The following CCDC149 variants were observed in gnomAD, a reference collection of about 807,000 sequenced individuals.
CCDC149 encodes the protein coiled-coil domain containing 149, also known as coiled-coil domain-containing protein 149.
CCDC149 carries 45 observed loss-of-function variants against 59.9 expected under a neutral mutation model. The ratio of observed to expected loss-of-function variants is 0.75; its 90% CI spans 0.59 to 0.96. CCDC149 has a LOEUF of 0.96. Ranked by LOEUF, CCDC149 falls within the 40% of genes least tolerant of loss-of-function variation. CCDC149 has a pLI of 0.00. For synonymous variants in CCDC149, 245 were observed against 260.6 expected (o/e 0.94, Z 0.58); for missense variants, 584 against 664.7 (o/e 0.88, Z 1.33).
At chr4:24,952,611 AAAAAAAAAAAAAAAAATATAT>A (rs1723330624) in intron 1 of CCDC149, among the ~76,000 whole-genome samples, 1 of 36,440 alleles carries the variant, frequency 2.7e-5, no homozygotes, top group African/African-American at 1.1e-4. Flanking sequence ...AAAAAAAAAA[AAAAAAAAAAAAAAAAATATAT>A]ATATATATAT....
In CCDC149 at chr4:24,836,430, T is replaced by A; in HGVS notation, c.735+6A>T. On this transcript the variant is annotated splice_donor_region_variant and intron_variant, in intron 7 of 12. Coordinates refer to ENST00000635206, the MANE Select transcript of CCDC149 (RefSeq NM_001330643.2). The stretch of plus-strand genomic sequence containing the variant: ...ATCACCATCACTGTCATCATGATTT[T>A]GCTACCTTGTATTTGGCAATGTTTG... The A allele has an allele frequency of 6.3e-7, 1 of 1,589,274 alleles. No homozygotes were observed. Among genetic ancestry groups the A allele is most frequent in the Non-Finnish European group, 8.6e-7 (1 of 1,157,382 alleles).
At chr4:24,945,886 G>T (rs1166871005) in intron 1 of CCDC149, among the ~76,000 whole-genome samples, 1 of 152,042 alleles carries the variant, frequency 6.6e-6, no homozygotes, top group African/African-American at 2.4e-5. Flanking sequence ...CCTCCAAAAT[G>T]CCAGGATTAC....
At chr4:24,938,267 A>T (rs1422367648) in intron 1 of CCDC149, among the ~76,000 whole-genome samples, 1 of 152,222 alleles carries the variant, frequency 6.6e-6, no homozygotes, top group Non-Finnish European at 1.5e-5. Flanking sequence ...AAAGAGGAAT[A>T]TTATTTTTTT....
chr4:24,853,112 T>C lies in CCDC149; in HGVS notation c.332A>G (p.Glu111Gly). 1 of 1,614,004 alleles carries C rather than the reference T, an allele frequency of 6.2e-7. No individual in the cohort carries two copies. The highest frequency in any genetic ancestry group is 8.5e-7 in the Non-Finnish European group (1 of 1,179,832). The change falls in exon 4 of 13, where the codon GAA becomes GGA. Residue 111 changes from glutamate to glycine, a missense_variant. Physicochemically the swap from Glu to Gly is moderately conservative, Grantham distance 98 (BLOSUM62 -2). Transcript: ENST00000635206. ...GACTTCTCCAAGCCTTTGCTGAAGT[T>C]CTTTAATTTCTTCTCCCAGATGTTT... is the stretch of plus-strand genomic sequence containing the variant.
chr4:24,969,316 T>A (rs181474594), intron 1 of CCDC149, among the ~76,000 whole-genome samples: 6 of 152,352 alleles, frequency 3.9e-5, no homozygotes, highest in Admixed American at 3.3e-4. Flanking sequence ...GTTGTTCATC[T>A]ACCCTTGCAG....
intron 1 of CCDC149, among the ~76,000 whole-genome samples, chr4:24,903,972 G>C (rs903258079): frequency 6.6e-6 from 1 of 151,862 alleles, no homozygotes; most frequent in Non-Finnish European, 1.5e-5. Context: ...AGCTGATTTT[G>C]TATTTTTAGT....
At position 24,853,355 on chromosome 4, in the gene CCDC149, G is replaced by A. The variant is rs1016376300; in HGVS notation, c.265-176C>T. 3.1e-5 allele frequency: 18 copies of A among 588,062 alleles called. No individual in the cohort carries two copies. The Admixed American group carries it at 3.7e-4, about 12-fold the overall frequency. 36.4% of individuals were successfully genotyped at this position (588,062 alleles called of 1,614,324 possible). A position where few individuals can be genotyped will look rare whatever the true frequency, so the allele number is the denominator to read the frequency against. ...GTGAATCACACCACTACAATGGCAC[G>A]CAGGAAAATGAAGTTGGCCATGAAC... On this transcript the variant is annotated intron_variant, in intron 3 of 12. Coordinates refer to ENST00000635206, the MANE Select transcript of CCDC149 (RefSeq NM_001330643.2).
chr4:24,850,295 T>C (rs1328505692), intron 4 of CCDC149, among the ~76,000 whole-genome samples: 1 of 152,106 alleles, frequency 6.6e-6, no homozygotes, highest in Non-Finnish European at 1.5e-5. Context: ...AGGATACAGA[T>C]GGAAATTCGG....
At chr4:24,836,369 A>G (rs1716518989) in intron 7 of CCDC149, 67 bp downstream of exon 7, 1 of 1,094,344 alleles carries the variant, frequency 9.1e-7, no homozygotes, top group African/African-American at 1.5e-5. Flanking sequence ...ATAGAAGGGA[A>G]TTAAAATAGA....
intron 9 of CCDC149, chr4:24,827,036 A>G (rs1263820232): frequency 6.6e-6 from 1 of 152,212 alleles, no homozygotes; most frequent in African/African-American, 2.4e-5. Context: ...GCATGTATCT[A>G]CCTAGTAGTC....
chr4:24,931,634 C>A (rs1284828516), intron 1 of CCDC149, among the ~76,000 whole-genome samples: 1 of 151,318 alleles, frequency 6.6e-6, no homozygotes, highest in African/African-American at 2.4e-5. Flanking sequence ...AGTCACATGA[C>A]CCTAATTGCA....
intron 4 of CCDC149, among the ~76,000 whole-genome samples, chr4:24,852,326 A>ACT (rs1331721985): frequency 1.4e-5 from 2 of 147,476 alleles, no homozygotes; most frequent in Admixed American, 1.3e-4. Flanking sequence ...ACACACACAC[A>ACT]CACACTATAG....
intron 4 of CCDC149, among the ~76,000 whole-genome samples, chr4:24,843,553 G>A (rs1314771508): frequency 1.3e-5 from 2 of 152,140 alleles, no homozygotes; most frequent in Non-Finnish European, 2.9e-5. Context: ...GTGTACACCA[G>A]AGTCCAAATT....
chr4:24,923,156 T>C (rs375291160), intron 1 of CCDC149, among the ~76,000 whole-genome samples: 2 of 152,180 alleles, frequency 1.3e-5, no homozygotes, highest in African/African-American at 4.8e-5. Flanking sequence ...AGCTGATTTG[T>C]GAGCATAATA....
intron 12 of CCDC149, 43 bp from the exon 13 acceptor site, chr4:24,808,862 T>C (rs1714404209): frequency 6.7e-7 from 1 of 1,490,746 alleles, no homozygotes; most frequent in East Asian, 2.5e-5. Flanking sequence ...TGGCAGCAAA[T>C]CAGCCCTCAC....
At chr4:24,940,419 T>C (rs1350074642) in intron 1 of CCDC149, among the ~76,000 whole-genome samples, 3 of 152,042 alleles carry the variant, frequency 2.0e-5, no homozygotes, top group South Asian at 4.2e-4. Context: ...AAGGAACAAC[T>C]GGTACCAGCC....
intron 1 of CCDC149, among the ~76,000 whole-genome samples, chr4:24,936,153 G>T (rs992917876): frequency 1.9e-4 from 29 of 152,256 alleles, no homozygotes; most frequent in African/African-American, 6.5e-4. Flanking sequence ...GAACTGATGA[G>T]AAAGTAGAGG....
upstream of CCDC149, among the ~76,000 whole-genome samples, chr4:24,917,379 C>T (rs766128180): frequency 2.0e-5 from 3 of 152,204 alleles, no homozygotes; most frequent in East Asian, 1.9e-4. Flanking sequence ...GGGCTGATGA[C>T]GGCCTGGCAG....
At chr4:24,869,514 G>T (rs1718901203) in intron 3 of CCDC149, among the ~76,000 whole-genome samples, 1 of 152,286 alleles carries the variant, frequency 6.6e-6, no homozygotes, top group South Asian at 2.1e-4. Flanking sequence ...AACCAAAAGG[G>T]TCCCAACAAG....
Sources: allele counts gnomAD v4.1 joint callset (sites outside exome capture counted in the v4.1 genomes callset), GRCh38; gene constraint gnomAD v4.1.1; transcripts MANE v1.5; gene names NCBI Gene and HGNC (gene_info 2026-07-23, HGNC 2026-07-21).